SOS1: variants seen among roughly 807,000 people sequenced by gnomAD.
The protein encoded by SOS1 is son of sevenless homolog 1.
A neutral mutation model predicts 157.6 loss-of-function variants in SOS1; 25 were observed. The observed-to-expected ratio is 0.16, with a 90% CI of 0.12 to 0.22. SOS1 has a LOEUF of 0.22. Among genes scored for constraint, SOS1 ranks in the 10% least tolerant of loss-of-function variants. The pLI, the probability that SOS1 is intolerant of heterozygous loss-of-function variation, is 1.00. For missense variants in SOS1, 1,237 were observed against 1,599.1 expected (o/e 0.77, Z 3.86); for synonymous variants, 528 against 534.0 (o/e 0.99, Z 0.16).
At chr2:38,989,582 CTT>C (rs772920053) in intron 20 of SOS1, among the ~76,000 whole-genome samples, 44 of 151,908 alleles carry the variant, frequency 2.9e-4, no homozygotes, top group Non-Finnish European at 5.7e-4. Flanking sequence ...TACTGAAAGA[CTT>C]TTTAAAATGT....
chr2:39,026,217 T>G (rs1374189231), intron 8 of SOS1, among the ~76,000 whole-genome samples: 1 of 151,926 alleles, frequency 6.6e-6, no homozygotes, highest in Non-Finnish European at 1.5e-5. Context: ...TAGCTGGGTG[T>G]GGTGGCACAC....
chr2:39,091,704 C>T (rs1042101452), intron 1 of SOS1, among the ~76,000 whole-genome samples: 1 of 152,118 alleles, frequency 6.6e-6, no homozygotes, highest in African/African-American at 2.4e-5. Flanking sequence ...TCTATACCAG[C>T]CCCCCAGGCT....
At chr2:39,035,528 A>T in intron 6 of SOS1, 28 bp from the exon 7 acceptor site, 3 of 1,451,940 alleles carry the variant, frequency 2.1e-6, no homozygotes, top group South Asian at 1.1e-5. Context: ...GTAAAACATA[A>T]ATAATTTACC....
intron 20 of SOS1, among the ~76,000 whole-genome samples, chr2:38,991,947 A>G (rs562860540): frequency 1.3e-5 from 2 of 152,370 alleles, no homozygotes; most frequent in Non-Finnish European, 1.5e-5. Flanking sequence ...AAAGAATAGT[A>G]TAGTATTATA....
At position 38,985,745 on chromosome 2, in the gene SOS1, C is replaced by A; in HGVS notation, c.*79G>T. ...GTTTGGAGTTCTCATTTTAACTCCT[C>A]AGTGCTGGCACATTCAGTGCATCCA... is the stretch of plus-strand genomic sequence containing the variant. On this transcript the variant is annotated 3_prime_UTR_variant, in exon 23 of 23. Transcript: ENST00000402219. The A allele has an allele frequency of 1.3e-6, 2 of 1,520,916 alleles. No individual in the cohort carries two copies. The highest frequency in any genetic ancestry group is 1.8e-6 in the Non-Finnish European group (2 of 1,100,494). 94.2% of individuals were successfully genotyped at this position (1,520,916 alleles called of 1,614,324 possible).
At chr2:39,074,033 T>C (rs1428187872) in intron 1 of SOS1, among the ~76,000 whole-genome samples, 1 of 152,174 alleles carries the variant, frequency 6.6e-6, no homozygotes, top group Non-Finnish European at 1.5e-5. Flanking sequence ...AAGGCAAAAA[T>C]CTTTCATCAA....
chr2:39,124,309 C>A (rs558714686), upstream of SOS1: 1 of 152,366 alleles, frequency 6.6e-6, no homozygotes, highest in Non-Finnish European at 1.5e-5. Flanking sequence ...CTTTTACCGC[C>A]GACGGGTGCG....
chr2:39,120,450 G>A lies in SOS1; in HGVS notation c.-28C>T. On this transcript the variant is annotated 5_prime_UTR_variant, in exon 1 of 23. Coordinates refer to ENST00000402219, the MANE Select transcript of SOS1 (RefSeq NM_005633.4). Reference sequence around the variant, plus strand: ...TGCCCCCGGGGCGCCTCTGGGCGGGGAGAGGGGCGGCGGCGGCCGGGCCAG... The same window carrying A: ...TGCCCCCGGGGCGCCTCTGGGCGGGAAGAGGGGCGGCGGCGGCCGGGCCAG... The A allele has an allele frequency of 1.9e-6, 3 of 1,554,698 alleles. No individual in the cohort carries two copies. The highest frequency in any genetic ancestry group is 2.6e-6 in the Non-Finnish European group (3 of 1,152,722).
intron 2 of SOS1, among the ~76,000 whole-genome samples, chr2:39,064,284 G>A (rs1572865062): frequency 6.6e-6 from 1 of 152,298 alleles, no homozygotes; most frequent in East Asian, 1.9e-4. Flanking sequence ...TTTTTGTGGT[G>A]AGAACAATAA....
At chr2:39,083,931 A>G (rs748783505) in intron 1 of SOS1, among the ~76,000 whole-genome samples, 1 of 152,184 alleles carries the variant, frequency 6.6e-6, no homozygotes, top group Non-Finnish European at 1.5e-5. Context: ...ATTTTGAGAT[A>G]AAGTCTTTAA....
rs541197798 is a variant in SOS1, at chr2:39,090,953, C to G, written c.88-23200G>C. On this transcript the variant is annotated intron_variant, in intron 1 of 22. Transcript: ENST00000402219. ...TTGCGATTTTGGCTCACTGCAACCT[C>G]AACCTCCTGGGTTCAAGCGATTCTC... Among the ~76,000 whole-genome samples, 5 of 152,250 alleles carry G rather than the reference C, an allele frequency of 3.3e-5. No homozygotes were observed. The East Asian group carries it at 9.7e-4, about 30-fold the overall frequency.
chr2:39,036,627 G>A (rs751599630), intron 6 of SOS1, among the ~76,000 whole-genome samples: 50 of 151,400 alleles, frequency 3.3e-4, no homozygotes, highest in Non-Finnish European at 6.5e-4. Flanking sequence ...AGGCTGGAGT[G>A]CAGTGGCGCG....
intron 2 of SOS1, among the ~76,000 whole-genome samples, chr2:39,059,101 T>C (rs184056926): frequency 3.4e-4 from 52 of 152,236 alleles, no homozygotes; most frequent in African/African-American, 1.1e-3. Context: ...CTTTAAATAG[T>C]ACTTGTATAA....
intron 5 of SOS1, among the ~76,000 whole-genome samples, chr2:39,052,820 G>A (rs533625800): frequency 6.6e-6 from 1 of 152,196 alleles, no homozygotes; most frequent in African/African-American, 2.4e-5. Flanking sequence ...GAGTAGAATT[G>A]CTGGGCAATA....
chr2:39,104,045 C>T (rs372815170), intron 1 of SOS1, among the ~76,000 whole-genome samples: 2 of 152,062 alleles, frequency 1.3e-5, no homozygotes, highest in Admixed American at 6.5e-5. Flanking sequence ...TTTGGAAAGC[C>T]GAGGCGGGGG....
At chr2:39,042,587 T>C (rs1440112432) in intron 6 of SOS1, among the ~76,000 whole-genome samples, 1 of 151,884 alleles carries the variant, frequency 6.6e-6, no homozygotes, top group East Asian at 1.9e-4. Context: ...GTACTTTTAG[T>C]AGAGATGGGG....
At chr2:39,079,547 T>A (rs900147708) in intron 1 of SOS1, among the ~76,000 whole-genome samples, 1 of 121,510 alleles carries the variant, frequency 8.2e-6, no homozygotes, top group East Asian at 2.7e-4. Flanking sequence ...CAGGTTGGAG[T>A]GTAGTAGTGT....
At chr2:39,071,852 A>AC (rs1236288708) in intron 1 of SOS1, among the ~76,000 whole-genome samples, 1 of 151,480 alleles carries the variant, frequency 6.6e-6, no homozygotes, top group East Asian at 1.9e-4. Flanking sequence ...AGTTTCGCTC[A>AC]CACTGTTCCC....
In SOS1 at chr2:38,985,496, T is replaced by C. The variant is rs1059310; in HGVS notation, c.*328A>G. On this transcript the variant is annotated 3_prime_UTR_variant, in exon 23 of 23. Transcript: ENST00000402219. ...GGCCTGCTGGACACTAGACTGTGTTTTCCATCCCTTTAATGATCACTTCAC... is the reference window on the plus strand; with the variant it reads ...GGCCTGCTGGACACTAGACTGTGTTCTCCATCCCTTTAATGATCACTTCAC... 0.58 allele frequency: 168,480 copies of C among 290,888 alleles called. 52,812 individuals are homozygous for C. The highest frequency in any genetic ancestry group is 0.69 in the East Asian group (9,304 of 13,416). The allele number at this position is 290,888 out of a possible 1,614,324, so 18.0% of individuals were successfully genotyped here.
Sources: gnomAD v4.1 joint callset for allele counts (sites outside exome capture counted in the v4.1 genomes callset) on GRCh38, gnomAD v4.1.1 for gene constraint, MANE v1.5 for transcripts, NCBI Gene and HGNC (gene_info 2026-07-23, HGNC 2026-07-21) for gene names.